PELI3: variants seen among roughly 807,000 people sequenced by gnomAD.
PELI3 encodes pellino E3 ubiquitin protein ligase family member 3.
In PELI3, 19 loss-of-function variants were observed where a neutral mutation model predicts 35.5. The observed-to-expected ratio is 0.54, with a 90% CI of 0.37 to 0.79. PELI3 has a LOEUF of 0.79. PELI3 is among the 30% of genes least tolerant of loss of function. The probability of loss-of-function intolerance (pLI) is 0.00; values close to 1 mark genes in which losing one functional copy is unlikely to be tolerated. For synonymous variants in PELI3, 262 were observed against 279.2 expected (o/e 0.94, Z 0.62); for missense variants, 490 against 661.2 (o/e 0.74, Z 2.84).
rs1158863261 is a variant in PELI3 at position 66,473,845 on chromosome 11, G to C, written c.760G>C (p.Gly254Arg). ...CGGCTTCTCCGAGGACTCAGCCCCGGGTGTCTGGCGGGAGATCTCGGTCTG... is the reference window on the plus strand; with the variant it reads ...CGGCTTCTCCGAGGACTCAGCCCCGCGTGTCTGGCGGGAGATCTCGGTCTG... ...AGGFSEDSAP[G>R]VWREISVCGN... The change falls in exon 7 of 8, where the codon GGT (glycine) becomes CGT (arginine). Residue 254 changes from glycine (G) to arginine (R), a missense_variant. Transcript: ENST00000320740. The surrounding 1 kb of genome is among the most constrained non-coding windows in gnomAD (Gnocchi z 5.8). 1 of 1,613,886 alleles carries C rather than the reference G, an allele frequency of 6.2e-7. No homozygotes were observed. The highest frequency in any genetic ancestry group is 1.7e-5 in the Admixed American group (1 of 60,010).
In PELI3 at chr11:66,471,287, C is replaced by T. The variant is rs770629144; in HGVS notation, c.270C>T (p.Ser90=). ...GTGGGGACAAGGGCCGCCGGCGAAG[C>T]CGCCTGGCACTGAGCCGCCGGTCGC... is the stretch of plus-strand genomic sequence containing the variant. The part of the protein sequence containing the change: ...LASGDKGRRR[S]RLALSRRSHA... Residue 90 remains serine (S), a synonymous_variant, in exon 4 of 8, where the codon AGC becomes AGT. Coordinates refer to ENST00000320740, the MANE Select transcript of PELI3 (RefSeq NM_145065.3). 2.6e-5 allele frequency: 42 copies of T among 1,613,638 alleles called. No individual in the cohort carries two copies. The South Asian group carries it at 3.8e-4, about 15-fold the overall frequency.
Position 66,468,097 on chromosome 11 carries a change from A to G in PELI3, c.-1-31A>G, listed in dbSNP as rs1854598509. On this transcript the variant is annotated intron_variant, in intron 1 of 7. Transcript: ENST00000320740. ...TTGAGCCGGGCTGGGGTGGGAACCT[A>G]CAAAGCTCTTTTCTCTCCCACTCTG... 7 of 1,566,628 alleles carry G rather than the reference A, an allele frequency of 4.5e-6. No homozygotes were observed. The East Asian group carries it at 1.7e-4, about 39-fold the overall frequency.
In PELI3 at chr11:66,473,834, A is replaced by G. The variant is rs1443444061; in HGVS notation, c.749A>G (p.Asp250Gly). The stretch of plus-strand genomic sequence containing the variant: ...CACCCGGCAGGCGGCTTCTCCGAGG[A>G]CTCAGCCCCGGGTGTCTGGCGGGAG... Reference protein sequence around the residue: ...VMHPAGGFSEDSAPGVWREIS... With the variant: ...VMHPAGGFSEGSAPGVWREIS... Residue 250 changes from aspartate to glycine, a missense_variant, in exon 7 of 8, where the codon GAC (aspartate) becomes GGC (glycine). Physicochemically the swap from Asp to Gly is moderately conservative, Grantham distance 94. This residue lies in a region of PELI3 where 349 missense variants were observed against 484.8 expected (regional missense o/e 0.72). Transcript: ENST00000320740. This position sits in a 1 kb window ranked among gnomAD's most constrained non-coding sequence, Gnocchi z 5.8. The G allele has an allele frequency of 6.2e-7, 1 of 1,613,688 alleles. No individual in the cohort carries two copies. The highest frequency in any genetic ancestry group is 8.5e-7 in the Non-Finnish European group (1 of 1,179,950).
chr11:66,475,975 G>A lies in PELI3; in HGVS notation c.1218G>A (p.Leu406=), dbSNP rs141386780. Residue 406 remains leucine, a synonymous_variant, in exon 8 of 8, where the codon CTG becomes CTA. Coordinates refer to ENST00000320740, the MANE Select transcript of PELI3 (RefSeq NM_145065.3). Reference sequence around the variant, plus strand: ...TTGGCCAGGAGGCCGGCCTCTGCCTGGACCCTGGGCCGCCTAGCCATGCCT... The same window carrying A: ...TTGGCCAGGAGGCCGGCCTCTGCCTAGACCCTGGGCCGCCTAGCCATGCCT... ...LWLGQEAGLC[L]DPGPPSHAFA... is the part of the protein sequence containing the mutation. 2.5e-6 allele frequency: 4 copies of A among 1,611,792 alleles called. No homozygotes were observed. The highest frequency in any genetic ancestry group is 1.3e-5 in the African/African-American group (1 of 74,928).
Position 66,472,544 on chromosome 11 carries a change from C to T in PELI3, c.456+74C>T, listed in dbSNP as rs186445331. ...TCTGCAAGCATTTCAGGTGAGGCTA[C>T]GGGTTGGGAGGCCATGGGAAAGCTG... On this transcript the variant is annotated intron_variant, in intron 5 of 7. Transcript: ENST00000320740. The T allele has an allele frequency of 1.1e-5, 15 of 1,324,072 alleles. No individual in the cohort carries two copies. In the Admixed American group the frequency reaches 1.2e-4, roughly 11 times the overall value. 82.0% of individuals were successfully genotyped at this position (1,324,072 alleles called of 1,614,324 possible).
chr11:66,469,812 T>TG (rs1173655377), intron 3 of PELI3, among the ~76,000 whole-genome samples: 1 of 148,376 alleles, frequency 6.7e-6, no homozygotes, highest in Non-Finnish European at 1.5e-5. Flanking sequence ...TTGTTTTTTT[T>TG]TTTTTGAGAC....
rs1230366967 is a variant in PELI3, at chr11:66,467,529, G to A, written c.-2+502G>A. 2 of 152,568 alleles carry A rather than the reference G, an allele frequency of 1.3e-5. No individual in the cohort carries two copies. Among genetic ancestry groups the A allele is most frequent in the Non-Finnish European group, 2.9e-5 (2 of 68,228 alleles). 9.5% of individuals were successfully genotyped at this position (152,568 alleles called of 1,614,324 possible). A position where few individuals can be genotyped will look rare whatever the true frequency, so the allele number is the denominator to read the frequency against. On this transcript the variant is annotated intron_variant, in intron 1 of 7. Coordinates refer to ENST00000320740, the MANE Select transcript of PELI3 (RefSeq NM_145065.3). This position sits in a 1 kb window ranked among gnomAD's most constrained non-coding sequence, Gnocchi z 4.2. ...GAGTCTATTGGCCTACCCGCAGGGG[G>A]AGGCCGAGATGGGGAGACTGAGGCA...
At chr11:66,472,237 C>T (rs1854746890) in intron 4 of PELI3, 132 bp from the exon 5 acceptor site, 2 of 662,198 alleles carry the variant, frequency 3.0e-6, no homozygotes, top group Admixed American at 2.4e-5. Flanking sequence ...CTGCACTGTC[C>T]ACCCTCTGAG....
intron 1 of PELI3, 40 bp from the exon 2 acceptor site, chr11:66,468,088 T>G (rs1590715811): frequency 6.5e-7 from 1 of 1,545,474 alleles, no homozygotes; most frequent in Non-Finnish European, 8.8e-7. Flanking sequence ...CGGGCTGGGG[T>G]GGGAACCTAC....
chr11:66,468,028 C>T, intron 1 of PELI3, 100 bp from the exon 2 acceptor site: 1 of 1,420,406 alleles, frequency 7.0e-7, no homozygotes, highest in Non-Finnish European at 9.4e-7. Context: ...GAAAGGTCAC[C>T]CTTGCCTTAG....
chr11:66,469,033 A>G, intron 3 of PELI3, 129 bp downstream of exon 3: 1 of 541,072 alleles, frequency 1.8e-6, no homozygotes, highest in Non-Finnish European at 3.4e-6. Context: ...AAGCAACGTG[A>G]TCTGGCGGCC....
Position 66,473,085 on chromosome 11 carries a change from G to C in PELI3, c.457-156G>C, listed in dbSNP as rs1241910250. 6.6e-6 allele frequency among the ~76,000 whole-genome samples: 1 copy of C among 152,116 alleles called. No individual in the cohort carries two copies. Among genetic ancestry groups the C allele is most frequent in the African/African-American group, 2.4e-5 (1 of 41,416 alleles). On this transcript the variant is annotated intron_variant, in intron 5 of 7. Transcript: ENST00000320740. This position sits in a 1 kb window ranked among gnomAD's most constrained non-coding sequence, Gnocchi z 5.8. ...TGGAGACCCCACCTGGGAGCCTAGA[G>C]GGCCTATGGAGTTGGTGCTGCCCCT... is the stretch of plus-strand genomic sequence containing the variant.
At chr11:66,475,328 C>G (rs560103147) in intron 7 of PELI3, among the ~76,000 whole-genome samples, 4 of 152,340 alleles carry the variant, frequency 2.6e-5, no homozygotes, top group African/African-American at 9.6e-5. Flanking sequence ...GAGGGCACTT[C>G]AGAAAACATC....
chr11:66,472,437 G>A lies in PELI3; in HGVS notation c.423G>A (p.Glu141=). Residue 141 remains glutamate, a synonymous_variant, in exon 5 of 8, where the codon GAG becomes GAA. Coordinates refer to ENST00000320740, the MANE Select transcript of PELI3 (RefSeq NM_145065.3). The stretch of plus-strand genomic sequence containing the variant: ...CCCGGAGCCACTCGGTCATAGTGGA[G>A]TATACACATGATAGCGACACAGACA... The part of the protein sequence containing the change: ...TLSRSHSVIV[E]YTHDSDTDMF... 2 of 1,614,140 alleles carry A rather than the reference G, an allele frequency of 1.2e-6. No individual in the cohort carries two copies. The highest frequency in any genetic ancestry group is 1.1e-5 in the South Asian group (1 of 91,084).
In PELI3 at chr11:66,473,483, G is replaced by T; in HGVS notation, c.651+48G>T. On this transcript the variant is annotated intron_variant, in intron 6 of 7. Transcript: ENST00000320740. The surrounding 1 kb of genome is among the most constrained non-coding windows in gnomAD (Gnocchi z 5.8). ...CCAACTCTTCATCTGTGAGGCAAGG[G>T]GTAGGCTTGGGAGGTGCAGCATCTT... is the stretch of plus-strand genomic sequence containing the variant. 14 of 1,554,032 alleles carry T rather than the reference G, an allele frequency of 9.0e-6. No homozygotes were observed. Among genetic ancestry groups the T allele is most frequent in the Non-Finnish European group, 1.2e-5 (14 of 1,144,332 alleles).
chr11:66,467,430 G>T lies in PELI3; in HGVS notation c.-2+403G>T, dbSNP rs1247711342. 6.6e-6 allele frequency: 1 copy of T among 152,188 alleles called. No individual in the cohort carries two copies. Among genetic ancestry groups the T allele is most frequent in the Non-Finnish European group, 1.5e-5 (1 of 68,064 alleles). The allele number at this position is 152,188 out of a possible 1,614,324, so 9.4% of individuals were successfully genotyped here. On this transcript the variant is annotated intron_variant, in intron 1 of 7. Coordinates refer to ENST00000320740, the MANE Select transcript of PELI3 (RefSeq NM_145065.3). This position sits in a 1 kb window ranked among gnomAD's most constrained non-coding sequence, Gnocchi z 4.2. ...AGCTCGAGGGGGGAGCGCCGCCTCC[G>T]CAGGCCTCCTGAGACCCGGGCGGCT...
chr11:66,475,927 G>A lies in PELI3; in HGVS notation c.1170G>A (p.Val390=), dbSNP rs143139613. ...GCGAATGTCCTCTCTGCCGCCTTGT[G>A]GGGCCTTATGTGCCTCTATGGCTTG... ...QERECPLCRL[V]GPYVPLWLGQ... Residue 390 remains valine, a synonymous_variant, in exon 8 of 8, where the codon GTG becomes GTA. Coordinates refer to ENST00000320740, the MANE Select transcript of PELI3 (RefSeq NM_145065.3). 31 of 1,611,380 alleles carry A rather than the reference G, an allele frequency of 1.9e-5. No individual in the cohort carries two copies. In the Admixed American group the frequency reaches 3.0e-4, roughly 16 times the overall value.
Position 66,476,012 on chromosome 11 carries a change from G to A in PELI3, c.1255G>A (p.Gly419Ser). The stretch of plus-strand genomic sequence containing the variant: ...GCCTAGCCATGCCTTTGCACCTTGC[G>A]GCCACGTCTGCTCTGAGAAGACTGC... ...GPPSHAFAPC[G>S]HVCSEKTARY... Residue 419 changes from glycine (G) to serine (S), a missense_variant, in exon 8 of 8, where the codon GGC becomes AGC. By Grantham distance (56) the Gly-to-Ser change is moderately conservative. Around this residue, in one of 3 missense-constraint regions of PELI3, gnomAD observed 349 missense variants for 484.8 expected, o/e 0.72. Coordinates refer to ENST00000320740, the MANE Select transcript of PELI3 (RefSeq NM_145065.3). 3.7e-6 allele frequency: 6 copies of A among 1,612,186 alleles called. No individual in the cohort carries two copies. Among genetic ancestry groups the A allele is most frequent in the South Asian group, 1.1e-5 (1 of 91,068 alleles).
Position 66,475,875 on chromosome 11 carries a change from G to T in PELI3, c.1118G>T (p.Cys373Phe). 1 of 1,605,608 alleles carries T rather than the reference G, an allele frequency of 6.2e-7. No individual in the cohort carries two copies. Residue 373 changes from cysteine to phenylalanine, a missense_variant, in exon 8 of 8, where the codon TGC becomes TTC. Physicochemically the swap from Cys to Phe is radical, Grantham distance 205 (BLOSUM62 -2). Around this residue, in one of 3 missense-constraint regions of PELI3, gnomAD observed 349 missense variants for 484.8 expected, o/e 0.72. Transcript: ENST00000320740. ...GHVHGYHGWG[C>F]RRERGPQERE... ...GTCCATGGCTACCACGGCTGGGGCT[G>T]CCGGCGGGAGCGGGGCCCCCAGGAG...
Sources: gnomAD v4.1 joint callset for allele counts (sites outside exome capture counted in the v4.1 genomes callset) on GRCh38, gnomAD v4.1.1 for gene constraint, gnomAD v4.1.1 regional missense constraint, Gnocchi (gnomAD v3.1) non-coding constraint, MANE v1.5 for transcripts, NCBI Gene and HGNC (gene_info 2026-07-23, HGNC 2026-07-21) for gene names.